FAT1: variants seen among roughly 807,000 people sequenced by gnomAD.
FAT1 encodes protocadherin Fat 1.
FAT1 carries 171 observed loss-of-function variants against 329.8 expected under a neutral mutation model. The observed-to-expected ratio is 0.52, with a 90% CI of 0.46 to 0.59. FAT1 has a LOEUF of 0.59. Ranked by LOEUF, FAT1 falls within the 20% of genes least tolerant of loss-of-function variation. The pLI is 0.00. For missense variants in FAT1, 5,672 were observed against 5,774.4 expected, an observed-to-expected ratio of 0.98 and a Z score of 0.57; for synonymous variants, 2,233 against 2,228.6, an observed-to-expected ratio of 1.00 and a Z score of -0.06.
Position 186,620,271 on chromosome 4 carries a change from A to C in FAT1, c.6315T>G (p.Ala2105=). ...CGTTTCTGCCACTGTCTCTGTCTAC[A>C]GCAGTGACATAGCGAATGACATGGC... ...EVGHVIRYVT[A]VDRDSGRNGE... Residue 2105 remains alanine, a synonymous_variant, in exon 10 of 27, where the codon GCT becomes GCG. Coordinates refer to ENST00000441802, the MANE Select transcript of FAT1 (RefSeq NM_005245.4). The C allele has an allele frequency of 6.2e-7, 1 of 1,614,040 alleles. No individual in the cohort carries two copies.
At chr4:186,638,321 G>A (rs960790297) in intron 4 of FAT1, among the ~76,000 whole-genome samples, 4 of 152,138 alleles carry the variant, frequency 2.6e-5, no homozygotes, top group African/African-American at 7.2e-5. Context: ...CTGGAGTGAC[G>A]TATGCAATTA....
intron 9 of FAT1, among the ~76,000 whole-genome samples, chr4:186,623,211 A>C (rs1331023795): frequency 6.6e-6 from 1 of 152,202 alleles, no homozygotes; most frequent in East Asian, 1.9e-4. Flanking sequence ...CTCTGAGCTG[A>C]ACCCTGGCCG....
intron 9 of FAT1, among the ~76,000 whole-genome samples, chr4:186,623,130 G>C (rs1560945870): frequency 6.6e-6 from 1 of 152,188 alleles, no homozygotes; most frequent in African/African-American, 2.4e-5. Context: ...TACTGGCTCT[G>C]CATCCGAGCC....
intron 9 of FAT1, among the ~76,000 whole-genome samples, chr4:186,623,563 T>C (rs1740149691): frequency 6.6e-6 from 1 of 152,230 alleles, no homozygotes; most frequent in East Asian, 1.9e-4. Flanking sequence ...ATCTTGCCGA[T>C]GAAGCTTCAA....
intron 2 of FAT1, among the ~76,000 whole-genome samples, chr4:186,700,636 C>T (rs1261478233): frequency 6.6e-6 from 1 of 152,144 alleles, no homozygotes; most frequent in African/African-American, 2.4e-5. Context: ...CAGGCTCCCT[C>T]GCAGCATCCG....
chr4:186,639,817 A>T (rs776987541), intron 3 of FAT1, 34 bp from the exon 4 acceptor site: 1 of 1,533,580 alleles, frequency 6.5e-7, no homozygotes, highest in South Asian at 1.1e-5. Context: ...AATCCTCACA[A>T]AATAAGGTCA....
chr4:186,604,784 G>GGCT (rs1739013915), intron 17 of FAT1, among the ~76,000 whole-genome samples: 1 of 120,200 alleles, frequency 8.3e-6, no homozygotes, highest in Admixed American at 9.5e-5. Flanking sequence ...GGAAGAAAAA[G>GGCT]GAGGATGAAG....
chr4:186,664,184 C>T (rs570868668), intron 2 of FAT1, among the ~76,000 whole-genome samples: 1 of 152,262 alleles, frequency 6.6e-6, no homozygotes, highest in East Asian at 1.9e-4. Context: ...GGTCTGCACA[C>T]ACACCCCTTC....
intron 1 of FAT1, among the ~76,000 whole-genome samples, chr4:186,710,855 G>A (rs1744915683): frequency 6.6e-6 from 1 of 152,192 alleles, no homozygotes; most frequent in Non-Finnish European, 1.5e-5. Flanking sequence ...GTGACTGGCG[G>A]AGAAAAGAGA....
rs939694952 is a variant in FAT1, at chr4:186,620,210, G to A, written c.6376C>T (p.His2126Tyr). 7 of 1,613,888 alleles carry A rather than the reference G, an allele frequency of 4.3e-6. No individual in the cohort carries two copies. In the Admixed American group the frequency reaches 6.7e-5, roughly 15 times the overall value. ...VHYYLKEHHE[H>Y]FQIGPLGEIS... ...TCACCCAAGGGTCCAATTTGAAAGT[G>A]TTCATGATGTTCCTTGAGGTAGTAA... The change falls in exon 10 of 27, where the codon CAC becomes TAC. Residue 2126 changes from histidine (H) to tyrosine (Y), a missense_variant. Physicochemically the swap from His to Tyr is moderately conservative, Grantham distance 83. Around this residue, in one of 2 missense-constraint regions of FAT1, gnomAD observed 3,966 missense variants for 3,915.2 expected, o/e 1.01. Coordinates refer to ENST00000441802, the MANE Select transcript of FAT1 (RefSeq NM_005245.4).
In FAT1 at chr4:186,601,147, T is replaced by C. The variant is rs1326687910; in HGVS notation, c.11640+122A>G. On this transcript the variant is annotated intron_variant, in intron 21 of 26. Coordinates refer to ENST00000441802, the MANE Select transcript of FAT1 (RefSeq NM_005245.4). ...CTTGTACAGGCATCAATGAATTATT[T>C]AAATGTGGAATTCAACCATTTCACT... 7.7e-6 allele frequency: 7 copies of C among 910,484 alleles called. No individual in the cohort carries two copies. In the African/African-American group the frequency reaches 9.9e-5, roughly 13 times the overall value. The allele number at this position is 910,484 out of a possible 1,614,324, so 56.4% of individuals were successfully genotyped here.
In FAT1 at chr4:186,706,497, C is replaced by A. The variant is rs1372372401; in HGVS notation, c.3265+66G>T. The A allele has an allele frequency of 1.6e-5, 23 of 1,461,052 alleles. No homozygotes were observed. In the African/African-American group the frequency reaches 2.2e-4, roughly 14 times the overall value. The allele number at this position is 1,461,052 out of a possible 1,614,324, so 90.5% of individuals were successfully genotyped here. A position where few individuals can be genotyped will look rare whatever the true frequency, so the allele number is the denominator to read the frequency against. On this transcript the variant is annotated intron_variant, in intron 2 of 26. Transcript: ENST00000441802. ...GAATTTTGAAGAAGCTGCCACAGGG[C>A]AGATGGTTAAAAAAAAAAAAAAAAT... is the stretch of plus-strand genomic sequence containing the variant.
At position 186,621,594 on chromosome 4, in the gene FAT1, A is replaced by G; in HGVS notation, c.4992T>C (p.Ser1664=). 6.2e-7 allele frequency: 1 copy of G among 1,614,026 alleles called. No individual in the cohort carries two copies. Among genetic ancestry groups the G allele is most frequent in the Non-Finnish European group, 8.5e-7 (1 of 1,179,892 alleles). The change falls in exon 10 of 27, where the codon TCT becomes TCC. Residue 1664 remains serine (S), a synonymous_variant. Transcript: ENST00000441802. ...RIFVTIADNA[S]PKFTSKEYSV... is the part of the protein sequence containing the mutation. Reference sequence around the variant, plus strand: ...AATATTCTTTTGATGTAAACTTCGGAGAGGCGTTGTCAGCAATTGTGACAA... The same window carrying G: ...AATATTCTTTTGATGTAAACTTCGGGGAGGCGTTGTCAGCAATTGTGACAA...
At chr4:186,696,167 G>A (rs535516136) in intron 2 of FAT1, among the ~76,000 whole-genome samples, 3 of 152,272 alleles carry the variant, frequency 2.0e-5, no homozygotes, top group South Asian at 2.1e-4. Context: ...ATGAAACTTC[G>A]TGTGACTTCT....
rs140009081 is a variant in FAT1 at position 186,588,606 on chromosome 4, G to A, written c.13753C>T (p.His4585Tyr). 6.6e-5 allele frequency: 106 copies of A among 1,611,506 alleles called. No homozygotes were observed. In the African/African-American group the frequency reaches 1.3e-3, roughly 20 times the overall value. Residue 4585 changes from histidine (H) to tyrosine (Y), a missense_variant, in exon 27 of 27, where the codon CAC becomes TAC. By Grantham distance (83) the His-to-Tyr change is moderately conservative. Transcript: ENST00000441802. ...GGAGTTGAGAGTCAGACTTCCGTGTGCTGCTGGGAATCCAGGGGCGGGATC... is the reference window on the plus strand; with the variant it reads ...GGAGTTGAGAGTCAGACTTCCGTGTACTGCTGGGAATCCAGGGGCGGGATC... ...VTIPPLDSQQ[H>Y]TEV
intron 26 of FAT1, chr4:186,592,731 T>C (rs1428007844): frequency 2.2e-6 from 1 of 456,606 alleles, no homozygotes; most frequent in East Asian, 6.9e-5. Context: ...ATTGACAAGG[T>C]GCATTACGGT....
intron 7 of FAT1, among the ~76,000 whole-genome samples, chr4:186,629,091 C>T (rs1740461431): frequency 6.6e-6 from 1 of 152,240 alleles, no homozygotes; most frequent in South Asian, 2.1e-4. Flanking sequence ...CTGTAGGTCA[C>T]TCATGTACGG....
chr4:186,619,516 G>A lies in FAT1; in HGVS notation c.7070C>T (p.Thr2357Met), dbSNP rs530876083. 5.6e-6 allele frequency: 9 copies of A among 1,613,918 alleles called. No homozygotes were observed. Among genetic ancestry groups the A allele is most frequent in the Middle Eastern group, 1.6e-4 (1 of 6,062 alleles). The change falls in exon 10 of 27, where the codon ACG (threonine) becomes ATG (methionine). Residue 2357 changes from threonine to methionine, a missense_variant. Around this residue, in one of 2 missense-constraint regions of FAT1, gnomAD observed 3,966 missense variants for 3,915.2 expected, o/e 1.01. Transcript: ENST00000441802. ...TLDYEQSRQHTIFVRAVDGGM... is the reference protein window; with the variant it reads ...TLDYEQSRQHMIFVRAVDGGM... ...ACCATCAACTGCCCTCACAAAAATC[G>A]TGTGCTGCCGGGACTGCTCGTAATC...
chr4:186,707,759 G>C lies in FAT1; in HGVS notation c.2069C>G (p.Ala690Gly). ...AKMLAEKLLQ[A>G]NKLHNQGEVE... is the part of the protein sequence containing the mutation. ...CTCTCCCTGGTTGTGTAATTTATTT[G>C]CCTGCAGGAGCTTCTCTGCCAGCAT... The change falls in exon 2 of 27, where the codon GCA becomes GGA. Residue 690 changes from alanine to glycine, a missense_variant. By Grantham distance (60) the Ala-to-Gly change is moderately conservative (BLOSUM62 0). Transcript: ENST00000441802. The C allele has an allele frequency of 4.3e-6, 7 of 1,613,536 alleles. No homozygotes were observed. The highest frequency in any genetic ancestry group is 5.9e-6 in the Non-Finnish European group (7 of 1,179,872).
Sources: gnomAD v4.1 joint callset for allele counts (sites outside exome capture counted in the v4.1 genomes callset) on GRCh38, gnomAD v4.1.1 for gene constraint, gnomAD v4.1.1 regional missense constraint, MANE v1.5 for transcripts, NCBI Gene and HGNC (gene_info 2026-07-23, HGNC 2026-07-21) for gene names.